PARP6: variants seen among roughly 807,000 people sequenced by gnomAD.
PARP6 encodes protein mono-ADP-ribosyltransferase PARP6.
A neutral mutation model predicts 92.0 loss-of-function variants in PARP6; 27 were observed. The ratio of observed to expected loss-of-function variants is 0.29; its 90% confidence interval spans 0.22 to 0.40. The LOEUF (loss-of-function observed/expected upper bound fraction) is 0.40. Ranked by LOEUF, PARP6 falls within the 10% of genes least tolerant of loss-of-function variation. The pLI is 1.00. For missense variants in PARP6, 501 were observed against 784.5 expected, an observed-to-expected ratio of 0.64 and a Z score of 4.32; for synonymous variants, 272 against 281.2, an observed-to-expected ratio of 0.97 and a Z score of 0.33.
chr15:72,266,808 C>G lies in PARP6; in HGVS notation c.18G>C (p.Gln6His), dbSNP rs1173588032. The change falls in exon 4 of 24, where the codon CAG becomes CAC. Residue 6 changes from glutamine (Q) to histidine (H), a missense_variant. Coordinates refer to ENST00000569795, the MANE Select transcript of PARP6 (RefSeq NM_001323532.2). ...CCTCCGAGTCGTCATCATTCCAGAA[C>G]TGGCCTTTGATGTCCTAGTGGTGAG... MDIKG[Q>H]FWNDDDSEGD... The G allele has an allele frequency of 1.2e-6, 2 of 1,613,770 alleles. No homozygotes were observed. The highest frequency in any genetic ancestry group is 1.3e-5 in the African/African-American group (1 of 74,942).
chr15:72,252,402 C>T (rs948639379), intron 16 of PARP6, among the ~76,000 whole-genome samples: 2 of 152,112 alleles, frequency 1.3e-5, no homozygotes, highest in African/African-American at 2.4e-5. Flanking sequence ...AATACATACG[C>T]GAGATAATGC....
intron 5 of PARP6, 29 bp downstream of exon 5, chr15:72,265,868 C>A: frequency 6.8e-7 from 1 of 1,470,800 alleles, no homozygotes; most frequent in Non-Finnish European, 9.5e-7. Context: ...GTGACTTGCT[C>A]CCCTGCCACC....
rs762819841 is a variant in PARP6, at chr15:72,242,137, G to A, written c.1705+20C>T. On this transcript the variant is annotated intron_variant, in intron 22 of 23. Transcript: ENST00000569795. This position sits in a 1 kb window ranked among gnomAD's most constrained non-coding sequence, Gnocchi z 4.3. The stretch of plus-strand genomic sequence containing the variant: ...AAAGGTTAGAGACCCAGAAAAACAG[G>A]ACATGGGCAAGCTACCTACCTTCAC... 2.5e-6 allele frequency: 4 copies of A among 1,608,480 alleles called. No homozygotes were observed. The highest frequency in any genetic ancestry group is 3.4e-6 in the Non-Finnish European group (4 of 1,174,854).
intron 19 of PARP6, 35 bp downstream of exon 19, chr15:72,249,985 G>A (rs371171609): frequency 4.7e-5 from 64 of 1,369,040 alleles, no homozygotes; most frequent in Admixed American, 2.8e-4. Context: ...GGAAGGGAGC[G>A]GTTAGAAATA....
chr15:72,246,549 C>T lies in PARP6; in HGVS notation c.1561+2696G>A, dbSNP rs9920991. On this transcript the variant is annotated intron_variant, in intron 20 of 23. Coordinates refer to ENST00000569795, the MANE Select transcript of PARP6 (RefSeq NM_001323532.2). The stretch of plus-strand genomic sequence containing the variant: ...CCAGTGACTTACATCTAACTATATG[C>T]CTCCCTTTGGAGGTAATCACTATCC... Among the ~76,000 whole-genome samples, 652 of 152,268 alleles carry T rather than the reference C, an allele frequency of 4.3e-3. 6 individuals are homozygous for T. The highest frequency in any genetic ancestry group is 0.015 in the African/African-American group (625 of 41,558).
At chr15:72,265,746 C>T in intron 5 of PARP6, 151 bp downstream of exon 5, 1 of 664,072 alleles carries the variant, frequency 1.5e-6, no homozygotes, top group African/African-American at 1.8e-5. Flanking sequence ...TTACTCTCTA[C>T]TCTCAGCCAA....
chr15:72,243,117 AGAG>A lies in PARP6; in HGVS notation c.1562-421_1562-419del, dbSNP rs1466500128. On this transcript the variant is annotated intron_variant, in intron 20 of 23. Coordinates refer to ENST00000569795, the MANE Select transcript of PARP6 (RefSeq NM_001323532.2). ...AGTTGCATAGAGAATAGTGAATTGC[AGAG>A]GAGTGGTGAGAAATGATGTAGAAGA... is the stretch of plus-strand genomic sequence containing the variant. 4.8e-5 allele frequency: 8 copies of A among 167,258 alleles called. No homozygotes were observed. In the East Asian group the frequency reaches 1.3e-3, roughly 27 times the overall value. 10.4% of individuals were successfully genotyped at this position (167,258 alleles called of 1,614,324 possible).
At chr15:72,256,116 G>C (rs1003857886) in intron 14 of PARP6, among the ~76,000 whole-genome samples, 2 of 152,068 alleles carry the variant, frequency 1.3e-5, no homozygotes, top group Non-Finnish European at 2.9e-5. Flanking sequence ...TTTGTATAAT[G>C]ATCTGCAAAA....
At chr15:72,259,002 C>T (rs970873496) in intron 11 of PARP6, among the ~76,000 whole-genome samples, 2 of 152,162 alleles carry the variant, frequency 1.3e-5, no homozygotes, top group Non-Finnish European at 2.9e-5. Context: ...CAATTCAAGG[C>T]AGCCCATAGT....
chr15:72,242,010 A>G lies in PARP6; in HGVS notation c.1706-25T>C. 6.4e-7 allele frequency: 1 copy of G among 1,558,766 alleles called. No homozygotes were observed. The highest frequency in any genetic ancestry group is 8.9e-7 in the Non-Finnish European group (1 of 1,129,522). ...ACTGGGAGAAAGAGGGCCAGAAATC[A>G]TAGATACAATGCTTAAGGCACAGAG... On this transcript the variant is annotated intron_variant, in intron 22 of 23. Coordinates refer to ENST00000569795, the MANE Select transcript of PARP6 (RefSeq NM_001323532.2). The surrounding 1 kb of genome is among the most constrained non-coding windows in gnomAD (Gnocchi z 4.3).
At chr15:72,254,577 G>C (rs926799145) in intron 14 of PARP6, 57 bp from the exon 15 acceptor site, 20 of 1,397,716 alleles carry the variant, frequency 1.4e-5, no homozygotes, top group Non-Finnish European at 1.9e-5. Context: ...AGGAAAGTAA[G>C]ATGTGATGAA....
chr15:72,243,515 G>A (rs1214563412), intron 20 of PARP6: 1 of 152,208 alleles, frequency 6.6e-6, no homozygotes, highest in Non-Finnish European at 1.5e-5. Flanking sequence ...CCAGGCTTGA[G>A]AAAGAAGTGC....
intron 8 of PARP6, among the ~76,000 whole-genome samples, chr15:72,262,840 T>A (rs1317200068): frequency 2.0e-5 from 3 of 152,220 alleles, no homozygotes; most frequent in Non-Finnish European, 4.4e-5. Context: ...CCTACCCTGC[T>A]GGTTTCTTTG....
chr15:72,265,363 T>C (rs2086443052), intron 6 of PARP6, 50 bp downstream of exon 6: 1 of 1,498,970 alleles, frequency 6.7e-7, no homozygotes, highest in Non-Finnish European at 9.3e-7. Context: ...ACATGACAAA[T>C]TCCACAAGTC....
At chr15:72,250,435 T>G (rs995476860) in intron 18 of PARP6, 1 of 314,692 alleles carries the variant, frequency 3.2e-6, no homozygotes, top group Non-Finnish European at 6.0e-6. Context: ...ACCCCAAATA[T>G]GGCTTCCAGT....
chr15:72,243,290 G>A (rs2083267778), intron 20 of PARP6: 1 of 152,156 alleles, frequency 6.6e-6, no homozygotes, highest in African/African-American at 2.4e-5. Flanking sequence ...GCCCAGGAGA[G>A]TGGGACATCA....
intron 4 of PARP6, 70 bp downstream of exon 4, chr15:72,266,675 C>A: frequency 9.0e-7 from 1 of 1,110,230 alleles, no homozygotes; most frequent in Non-Finnish European, 1.4e-6. Flanking sequence ...CTCTTTCACT[C>A]CTGATGTATC....
intron 20 of PARP6, among the ~76,000 whole-genome samples, chr15:72,248,782 T>C (rs896440023): frequency 1.3e-5 from 2 of 152,200 alleles, no homozygotes; most frequent in African/African-American, 4.8e-5. Flanking sequence ...AACATAATAG[T>C]GTAAGATTAT....
intron 13 of PARP6, 103 bp from the exon 14 acceptor site, chr15:72,256,693 T>A: frequency 1.0e-6 from 1 of 967,750 alleles, no homozygotes; most frequent in Non-Finnish European, 1.4e-6. Context: ...AAAAAGCAAA[T>A]ATGTTTAAGG....
Sources: allele counts gnomAD v4.1 joint callset (sites outside exome capture counted in the v4.1 genomes callset), GRCh38; gene constraint gnomAD v4.1.1; non-coding constraint Gnocchi (gnomAD v3.1); transcripts MANE v1.5; gene names NCBI Gene and HGNC (gene_info 2026-07-23, HGNC 2026-07-21).